ORC2: variants seen among roughly 807,000 people sequenced by gnomAD.
ORC2 encodes origin recognition complex subunit 2.
Under a neutral mutation model 77.7 loss-of-function variants are expected in ORC2, and 37 were observed. The observed-to-expected ratio is 0.48, with a 90% CI of 0.37 to 0.63. The LOEUF (loss-of-function observed/expected upper bound fraction) is 0.63, where lower values mean the gene tolerates loss of function less well. Ranked by LOEUF, ORC2 falls within the 20% of genes least tolerant of loss-of-function variation. The pLI, the probability that ORC2 is intolerant of heterozygous loss-of-function variation, is 0.00. For missense variants in ORC2, 557 were observed against 661.9 expected, an observed-to-expected ratio of 0.84 and a Z score of 1.74; for synonymous variants, 201 against 229.5, an observed-to-expected ratio of 0.88 and a Z score of 1.12.
At chr2:200,934,063 C>T (rs1056553878) in intron 9 of ORC2, 89 bp from the exon 10 acceptor site, 3 of 616,010 alleles carry the variant, frequency 4.9e-6, no homozygotes, top group African/African-American at 1.8e-5. Flanking sequence ...TAAAATAGGA[C>T]ACGTGAAATT....
At chr2:200,952,498 T>G (rs1290104405) in intron 4 of ORC2, among the ~76,000 whole-genome samples, 2 of 152,040 alleles carry the variant, frequency 1.3e-5, no homozygotes, top group Non-Finnish European at 2.9e-5. Flanking sequence ...CCTGACCTCA[T>G]GATCCACCCA....
intron 10 of ORC2, among the ~76,000 whole-genome samples, chr2:200,933,065 C>T (rs1238518580): frequency 6.6e-6 from 1 of 152,072 alleles, no homozygotes; most frequent in Non-Finnish European, 1.5e-5. Flanking sequence ...ACTCATGTGT[C>T]CTTCTCCCAT....
At chr2:200,934,071 A>C in intron 9 of ORC2, 97 bp from the exon 10 acceptor site, 1 of 580,830 alleles carries the variant, frequency 1.7e-6, no homozygotes, top group Non-Finnish European at 3.0e-6. Flanking sequence ...GACACGTGAA[A>C]TTCTTTACTT....
Position 200,910,341 on chromosome 2 carries a change from C to G in ORC2, c.*960G>C, listed in dbSNP as rs1204490151. 2 of 152,032 alleles carry G rather than the reference C, an allele frequency of 1.3e-5. No homozygotes were observed. The highest frequency in any genetic ancestry group is 2.9e-5 in the Non-Finnish European group (2 of 68,014). The allele number at this position is 152,032 out of a possible 1,614,324, so 9.4% of individuals were successfully genotyped here. A position where few individuals can be genotyped will look rare whatever the true frequency, so the allele number is the denominator to read the frequency against. ...CGCAAATATTCAGGAGGTTTGAAATCATCACTTTAAGGAAAAAACTGAAAT... is the reference window on the plus strand; with the variant it reads ...CGCAAATATTCAGGAGGTTTGAAATGATCACTTTAAGGAAAAAACTGAAAT... On this transcript the variant is annotated 3_prime_UTR_variant, in exon 18 of 18. Coordinates refer to ENST00000234296, the MANE Select transcript of ORC2 (RefSeq NM_006190.5).
intron 4 of ORC2, among the ~76,000 whole-genome samples, chr2:200,954,447 G>A (rs748393408): frequency 6.6e-6 from 1 of 152,220 alleles, no homozygotes; most frequent in Non-Finnish European, 1.5e-5. Flanking sequence ...AATGTCTAAT[G>A]ACAGAGTAAT....
At chr2:200,924,040 T>G (rs529795296) in intron 13 of ORC2, among the ~76,000 whole-genome samples, 1 of 152,266 alleles carries the variant, frequency 6.6e-6, no homozygotes, top group South Asian at 2.1e-4. Context: ...TGTTTTCAAA[T>G]GTGTAGAGTT....
rs2040592085 is a variant in ORC2, at chr2:200,913,810, T to C, written c.1528+121A>G. ...ATTTGCTATGTGGCAGACATACCCATCATGAGTGACCACTTACTCACTGCT... is the reference window on the plus strand; with the variant it reads ...ATTTGCTATGTGGCAGACATACCCACCATGAGTGACCACTTACTCACTGCT... On this transcript the variant is annotated intron_variant, in intron 16 of 17. Coordinates refer to ENST00000234296, the MANE Select transcript of ORC2 (RefSeq NM_006190.5). 5 of 1,441,110 alleles carry C rather than the reference T, an allele frequency of 3.5e-6. No homozygotes were observed. The South Asian group carries it at 8.0e-5, about 23-fold the overall frequency. The allele number at this position is 1,441,110 out of a possible 1,614,324, so 89.3% of individuals were successfully genotyped here. A position where few individuals can be genotyped will look rare whatever the true frequency, so the allele number is the denominator to read the frequency against.
intron 11 of ORC2, among the ~76,000 whole-genome samples, chr2:200,928,623 C>T (rs1225025779): frequency 6.6e-6 from 1 of 151,756 alleles, no homozygotes; most frequent in Non-Finnish European, 1.5e-5. Context: ...ACCATCTTGG[C>T]TAACACGGTG....
chr2:200,944,903 G>A (rs149157713), intron 5 of ORC2, among the ~76,000 whole-genome samples: 2 of 152,314 alleles, frequency 1.3e-5, no homozygotes, highest in East Asian at 3.9e-4. Flanking sequence ...AAAAGTTACA[G>A]TGTTTCTTTA....
At chr2:200,916,494 A>AC (rs1460297900) in intron 15 of ORC2, among the ~76,000 whole-genome samples, 1 of 151,998 alleles carries the variant, frequency 6.6e-6, no homozygotes, top group African/African-American at 2.4e-5. Context: ...CAAAAAAAAA[A>AC]CTTGCATCAG....
Position 200,925,916 on chromosome 2 carries a change from G to A in ORC2, c.1067C>T (p.Thr356Ile). Reference protein sequence around the residue: ...ISVKSVLNSITEEVLDHMGTF... With the variant: ...ISVKSVLNSIIEEVLDHMGTF... ...ACCCATATGATCGAGGACTTCTTCTGTTATAGAATTCAGGACCTATATCAT... is the reference window on the plus strand; with the variant it reads ...ACCCATATGATCGAGGACTTCTTCTATTATAGAATTCAGGACCTATATCAT... The change falls in exon 13 of 18, where the codon ACA (threonine) becomes ATA (isoleucine). Residue 356 changes from threonine (T) to isoleucine (I), a missense_variant. By Grantham distance (89) the Thr-to-Ile change is moderately conservative. Coordinates refer to ENST00000234296, the MANE Select transcript of ORC2 (RefSeq NM_006190.5). The A allele has an allele frequency of 6.4e-7, 1 of 1,573,730 alleles. No homozygotes were observed. The highest frequency in any genetic ancestry group is 8.7e-7 in the Non-Finnish European group (1 of 1,147,568).
intron 17 of ORC2, among the ~76,000 whole-genome samples, chr2:200,912,816 A>C (rs937328219): frequency 6.6e-6 from 1 of 152,212 alleles, no homozygotes; most frequent in African/African-American, 2.4e-5. Context: ...TTTCAGAACT[A>C]TGTACCTTCT....
At chr2:200,956,739 C>G (rs1299863785) in intron 4 of ORC2, among the ~76,000 whole-genome samples, 1 of 151,878 alleles carries the variant, frequency 6.6e-6, no homozygotes, top group Non-Finnish European at 1.5e-5. Context: ...GCCATGGCAT[C>G]CCAATCTGGG....
At chr2:200,926,669 G>A in intron 12 of ORC2, 99 bp downstream of exon 12, 1 of 1,229,536 alleles carries the variant, frequency 8.1e-7, no homozygotes, top group Non-Finnish European at 1.2e-6. Context: ...TACCGTGAAG[G>A]CTAAAACAAA....
intron 17 of ORC2, 82 bp downstream of exon 17, chr2:200,913,213 G>A (rs780080327): frequency 1.2e-4 from 121 of 1,005,704 alleles, no homozygotes; most frequent in Non-Finnish European, 1.7e-4. Context: ...TCAAAATCAG[G>A]TCTAAGTCAA....
At chr2:200,911,586 A>T (rs993581562) in intron 17 of ORC2, among the ~76,000 whole-genome samples, 199 bp from the exon 18 acceptor site, 5 of 152,180 alleles carry the variant, frequency 3.3e-5, no homozygotes, top group African/African-American at 9.6e-5. Flanking sequence ...AGTGGAAAAG[A>T]CAACTAACTA....
intron 4 of ORC2, among the ~76,000 whole-genome samples, chr2:200,956,536 C>T (rs1331801317): frequency 1.3e-5 from 2 of 151,960 alleles, no homozygotes. Context: ...TACTATGTTG[C>T]CTAGGATGGT....
chr2:200,957,652 GA>G (rs1287117101), intron 3 of ORC2, 108 bp from the exon 4 acceptor site: 31 of 828,558 alleles, frequency 3.7e-5, no homozygotes, highest in Non-Finnish European at 5.0e-5. Flanking sequence ...TAAAAGCTGG[GA>G]AAAAAGCTTT....
At chr2:200,916,697 TTTTTA>T (rs962633469) in intron 15 of ORC2, among the ~76,000 whole-genome samples, 3 of 152,212 alleles carry the variant, frequency 2.0e-5, no homozygotes, top group Non-Finnish European at 2.9e-5. Context: ...TATTTCAATT[TTTTTA>T]TTTTATTTTA....
Sources: gnomAD v4.1 joint callset for allele counts (sites outside exome capture counted in the v4.1 genomes callset) on GRCh38, gnomAD v4.1.1 for gene constraint, MANE v1.5 for transcripts, NCBI Gene and HGNC (gene_info 2026-07-23, HGNC 2026-07-21) for gene names.